The following ANKRD44 variants were observed in gnomAD, a reference collection of about 807,000 sequenced individuals.
ANKRD44 encodes ankyrin repeat domain 44.
ANKRD44 carries 35 observed loss-of-function variants against 116.0 expected under a neutral mutation model. The ratio of observed to expected loss-of-function variants is 0.30; its 90% CI spans 0.23 to 0.40. The LOEUF is 0.40. ANKRD44 is among the 10% of genes least tolerant of loss of function. The pLI, the probability that ANKRD44 is intolerant of heterozygous loss-of-function variation, is 1.00. For synonymous variants in ANKRD44, 435 were observed against 461.8 expected (o/e 0.94, Z 0.74); for missense variants, 1,014 against 1,242.6 (o/e 0.82, Z 2.77).
intron 1 of ANKRD44, among the ~76,000 whole-genome samples, chr2:197,277,388 T>C (rs1217706755): frequency 6.6e-6 from 1 of 152,010 alleles, no homozygotes; most frequent in Non-Finnish European, 1.5e-5. Flanking sequence ...TGAAGTGCTA[T>C]GGGAATTCAA....
chr2:197,302,263 G>A (rs2083933272), intron 1 of ANKRD44: 1 of 152,486 alleles, frequency 6.6e-6, no homozygotes, highest in African/African-American at 2.4e-5. Context: ...TTGAGCAGGA[G>A]TGACAAGTTC....
chr2:197,102,382 A>G (rs2078314246), intron 9 of ANKRD44, among the ~76,000 whole-genome samples: 1 of 152,178 alleles, frequency 6.6e-6, no homozygotes, highest in Non-Finnish European at 1.5e-5. Context: ...GTTTTGTCAG[A>G]TTTTGCCAGA....
intron 1 of ANKRD44, among the ~76,000 whole-genome samples, chr2:197,284,834 C>T (rs4619631): frequency 0.043 from 6,373 of 149,804 alleles, 431 homozygotes; most frequent in African/African-American, 0.15. Context: ...TACAGTGGGC[C>T]GAGATTACAC....
chr2:197,248,612 AGAG>A (rs1394497333), intron 1 of ANKRD44, among the ~76,000 whole-genome samples: 1 of 151,022 alleles, frequency 6.6e-6, no homozygotes, highest in Non-Finnish European at 1.5e-5. Flanking sequence ...ATTGAGAGAG[AGAG>A]GAGAAAGACA....
At chr2:197,188,298 G>A (rs376586365) in intron 1 of ANKRD44, among the ~76,000 whole-genome samples, 13 of 152,134 alleles carry the variant, frequency 8.5e-5, no homozygotes, top group African/African-American at 2.9e-4. Context: ...AGACAAGGGT[G>A]TATCCAAAAA....
intron 1 of ANKRD44, among the ~76,000 whole-genome samples, chr2:197,242,507 T>C (rs1322353506): frequency 2.6e-5 from 4 of 152,148 alleles, no homozygotes. Flanking sequence ...TACAAACCAC[T>C]TTCTTGCTAA....
intron 20 of ANKRD44, among the ~76,000 whole-genome samples, chr2:197,007,563 A>G (rs932753619): frequency 6.6e-6 from 1 of 152,250 alleles, no homozygotes; most frequent in Non-Finnish European, 1.5e-5. Flanking sequence ...GTGTTCATGC[A>G]TCTATTATCA....
At chr2:197,211,755 G>C (rs1221752295) in intron 1 of ANKRD44, among the ~76,000 whole-genome samples, 1 of 151,880 alleles carries the variant, frequency 6.6e-6, no homozygotes, top group African/African-American at 2.4e-5. Context: ...TCCCAACTTG[G>C]AGGTTCCAGG....
At chr2:197,120,013 C>T (rs2078815163) in intron 8 of ANKRD44, among the ~76,000 whole-genome samples, 1 of 152,124 alleles carries the variant, frequency 6.6e-6, no homozygotes, top group African/African-American at 2.4e-5. Context: ...TTATCTCTAT[C>T]CCTCCTCAAC....
chr2:197,250,595 T>G (rs1010964123), intron 1 of ANKRD44, among the ~76,000 whole-genome samples: 2 of 152,162 alleles, frequency 1.3e-5, no homozygotes, highest in Non-Finnish European at 2.9e-5. Flanking sequence ...GAATAATAGT[T>G]TATATTGTTG....
chr2:197,021,430 G>T (rs181802021), intron 17 of ANKRD44, among the ~76,000 whole-genome samples: 1 of 152,202 alleles, frequency 6.6e-6, no homozygotes, highest in Non-Finnish European at 1.5e-5. Flanking sequence ...GTGTAAAAGC[G>T]TTCCTATTTC....
At chr2:197,290,001 C>T (rs2083516517) in intron 1 of ANKRD44, among the ~76,000 whole-genome samples, 1 of 151,884 alleles carries the variant, frequency 6.6e-6, no homozygotes, top group Non-Finnish European at 1.5e-5. Context: ...GCTGAGATTA[C>T]AGGTGCCCGC....
intron 3 of ANKRD44, among the ~76,000 whole-genome samples, chr2:197,140,806 T>A (rs1027181750): frequency 6.6e-6 from 1 of 152,218 alleles, no homozygotes; most frequent in South Asian, 2.1e-4. Context: ...CTCTGTCTAT[T>A]ACCTTGATTG....
intron 1 of ANKRD44, among the ~76,000 whole-genome samples, chr2:197,246,171 G>C (rs2082186210): frequency 3.3e-5 from 5 of 151,776 alleles, no homozygotes; most frequent in African/African-American, 9.7e-5. Context: ...CTAACTCCTA[G>C]ATTTTTATTT....
rs571928322 is a variant in ANKRD44 at position 197,203,950 on chromosome 2, G to A, written c.28-16844C>T. 1.3e-5 allele frequency among the ~76,000 whole-genome samples: 2 copies of A among 152,296 alleles called. No individual in the cohort carries two copies. The highest frequency in any genetic ancestry group is 6.5e-5 in the Admixed American group (1 of 15,300). On this transcript the variant is annotated intron_variant, in intron 1 of 27. Coordinates refer to ENST00000282272, the MANE Select transcript of ANKRD44 (RefSeq NM_001195144.2). This position sits in a 1 kb window ranked among gnomAD's most constrained non-coding sequence, Gnocchi z 4.1. The stretch of plus-strand genomic sequence containing the variant: ...AGCTGATTAGCAGTTACCAGGGATC[G>A]GGAGGGAACGGGAAGTGACTGCTTC...
At chr2:197,063,014 T>G (rs2077349522) in intron 16 of ANKRD44, among the ~76,000 whole-genome samples, 1 of 152,232 alleles carries the variant, frequency 6.6e-6, no homozygotes, top group African/African-American at 2.4e-5. Flanking sequence ...ATGGACAGAC[T>G]GCCTCCTCAA....
intron 6 of ANKRD44, among the ~76,000 whole-genome samples, chr2:197,125,078 G>A (rs535185025): frequency 1.3e-5 from 2 of 152,280 alleles, no homozygotes; most frequent in East Asian, 3.9e-4. Context: ...TTATTTTACT[G>A]CCATGACAAG....
intron 24 of ANKRD44, 114 bp from the exon 25 acceptor site, chr2:196,998,533 T>C: frequency 2.6e-6 from 2 of 758,008 alleles, no homozygotes; most frequent in Non-Finnish European, 4.3e-6. Context: ...CACATAATCA[T>C]ATTTAATGTA....
chr2:197,111,064 A>G (rs1482536329), intron 8 of ANKRD44, among the ~76,000 whole-genome samples: 1 of 152,140 alleles, frequency 6.6e-6, no homozygotes, highest in African/African-American at 2.4e-5. Flanking sequence ...AAATAAAATA[A>G]AAGTATGATC....
Sources: allele counts gnomAD v4.1 joint callset (sites outside exome capture counted in the v4.1 genomes callset), GRCh38; gene constraint gnomAD v4.1.1; non-coding constraint Gnocchi (gnomAD v3.1); transcripts MANE v1.5; gene names NCBI Gene and HGNC (gene_info 2026-07-23, HGNC 2026-07-21).